BRAF: variants seen among roughly 807,000 people sequenced by gnomAD.
The protein encoded by BRAF is B-Raf proto-oncogene, serine/threonine kinase, also known as serine/threonine-protein kinase B-raf.
BRAF carries 16 observed loss-of-function variants against 104.6 expected under a neutral mutation model. The observed-to-expected ratio is 0.15, with a 90% CI of 0.10 to 0.23. The LOEUF is 0.23. Ranked by LOEUF, BRAF falls within the 10% of genes least tolerant of loss-of-function variation. BRAF has a pLI of 1.00. For synonymous variants in BRAF, 310 were observed against 341.6 expected, an observed-to-expected ratio of 0.91 and a Z score of 1.02; for missense variants, 541 against 937.3, an observed-to-expected ratio of 0.58 and a Z score of 5.52.
At position 140,723,396 on chromosome 7, in the gene BRAF, G is replaced by A. The variant is rs1406398982; in HGVS notation, c.*3098C>T. 17 of 1,053,792 alleles carry A rather than the reference G, an allele frequency of 1.6e-5. No homozygotes were observed. The highest frequency in any genetic ancestry group is 1.8e-5 in the Non-Finnish European group (16 of 872,468). The allele number at this position is 1,053,792 out of a possible 1,614,324, so 65.3% of individuals were successfully genotyped here. On this transcript the variant is annotated 3_prime_UTR_variant, in exon 20 of 20. Transcript: ENST00000644969. ...AATATAGCATATATCATTTGTATGG[G>A]ATTTTATCTTCTAAAATGCCCCAGT...
intron 12 of BRAF, among the ~76,000 whole-genome samples, chr7:140,778,704 T>C (rs1420456739): frequency 7.1e-6 from 1 of 141,636 alleles, no homozygotes; most frequent in Admixed American, 7.0e-5. Flanking sequence ...ATAATAATAA[T>C]AAAAAAAGAA....
chr7:140,772,268 T>TAAC (rs777105504), intron 14 of BRAF, among the ~76,000 whole-genome samples: 1,358 of 103,560 alleles, frequency 0.013, 15 homozygotes, highest in South Asian at 0.023. Flanking sequence ...ACAGATTGTT[T>TAAC]AACTACAACA....
intron 1 of BRAF, among the ~76,000 whole-genome samples, chr7:140,898,638 A>T (rs186974151): frequency 6.4e-4 from 97 of 152,298 alleles, no homozygotes; most frequent in African/African-American, 2.1e-3. Flanking sequence ...CCCACAACCC[A>T]AGGTAAGAAA....
At chr7:140,830,198 T>C (rs1200367433) in intron 3 of BRAF, among the ~76,000 whole-genome samples, 3 of 152,176 alleles carry the variant, frequency 2.0e-5, no homozygotes, top group Non-Finnish European at 4.4e-5. Context: ...ATCTTCTAGT[T>C]GCTTTCTTTT....
At chr7:140,881,463 C>T (rs1812910968) in intron 1 of BRAF, among the ~76,000 whole-genome samples, 1 of 152,196 alleles carries the variant, frequency 6.6e-6, no homozygotes, top group Non-Finnish European at 1.5e-5. Context: ...CTATGATGGC[C>T]AGGCTGGTCT....
At chr7:140,864,020 C>T (rs1468400956) in intron 1 of BRAF, among the ~76,000 whole-genome samples, 1 of 152,168 alleles carries the variant, frequency 6.6e-6, no homozygotes, top group African/African-American at 2.4e-5. Context: ...GGCCACTCAG[C>T]TAGTAAATTC....
chr7:140,761,148 G>A (rs1798685437), intron 14 of BRAF, among the ~76,000 whole-genome samples: 2 of 152,120 alleles, frequency 1.3e-5, no homozygotes, highest in Admixed American at 1.3e-4. Flanking sequence ...GAAAGGTCGG[G>A]TTACCCACAA....
chr7:140,883,406 A>T (rs1034896741), intron 1 of BRAF, among the ~76,000 whole-genome samples: 2 of 152,222 alleles, frequency 1.3e-5, no homozygotes, highest in African/African-American at 4.8e-5. Context: ...TGTCGTATAT[A>T]ACTTTTTCAA....
chr7:140,742,592 G>A (rs1797019342), intron 17 of BRAF, among the ~76,000 whole-genome samples: 1 of 152,212 alleles, frequency 6.6e-6, no homozygotes, highest in South Asian at 2.1e-4. Flanking sequence ...AAGTGGAAGT[G>A]TAACACTTAT....
intron 1 of BRAF, among the ~76,000 whole-genome samples, chr7:140,857,417 C>T (rs1809916978): frequency 6.6e-6 from 1 of 152,100 alleles, no homozygotes; most frequent in Admixed American, 6.6e-5. Flanking sequence ...TTTCCGACCT[C>T]CAGAAATGTA....
intron 14 of BRAF, among the ~76,000 whole-genome samples, chr7:140,772,639 A>G (rs1799967415): frequency 6.6e-6 from 1 of 152,136 alleles, no homozygotes; most frequent in African/African-American, 2.4e-5. Flanking sequence ...AAATTTAAAA[A>G]AAGTAGTGAA....
intron 5 of BRAF, among the ~76,000 whole-genome samples, chr7:140,803,858 A>C (rs1218776141): frequency 6.6e-6 from 1 of 152,168 alleles, no homozygotes. Context: ...TGGCGAGAGC[A>C]TGGGTGACTT....
Position 140,719,425 on chromosome 7 carries a change from T to A in BRAF, c.*7069A>T, listed in dbSNP as rs1455768263. The A allele has an allele frequency of 1.1e-5, 11 of 1,006,928 alleles. No individual in the cohort carries two copies. The East Asian group carries it at 2.4e-4, about 22-fold the overall frequency. 62.4% of individuals were successfully genotyped at this position (1,006,928 alleles called of 1,614,324 possible). On this transcript the variant is annotated 3_prime_UTR_variant, in exon 20 of 20. Coordinates refer to ENST00000644969, the MANE Select transcript of BRAF (RefSeq NM_001374258.1). ...TTTGCCTTTTATATAATACAGTTTT[T>A]AAATAACTTTACACAGAAATAAATT...
intron 7 of BRAF, among the ~76,000 whole-genome samples, chr7:140,795,474 A>C (rs1562963623): frequency 6.6e-6 from 1 of 152,236 alleles, no homozygotes; most frequent in Non-Finnish European, 1.5e-5. Flanking sequence ...ACTAATTATT[A>C]GTGGTTACTA....
chr7:140,766,954 A>G (rs2129011630), intron 14 of BRAF, among the ~76,000 whole-genome samples: 1 of 152,208 alleles, frequency 6.6e-6, no homozygotes, highest in East Asian at 1.9e-4. Flanking sequence ...TAGCTTCCCA[A>G]AGGGCTGGGA....
chr7:140,875,469 G>C (rs997411659), intron 1 of BRAF, among the ~76,000 whole-genome samples: 1 of 152,148 alleles, frequency 6.6e-6, no homozygotes, highest in African/African-American at 2.4e-5. Context: ...TCCGCCTCCC[G>C]GGCTCAAGCG....
At position 140,723,812 on chromosome 7, in the gene BRAF, A is replaced by G. The variant is rs1411800476; in HGVS notation, c.*2682T>C. On this transcript the variant is annotated 3_prime_UTR_variant, in exon 20 of 20. Coordinates refer to ENST00000644969, the MANE Select transcript of BRAF (RefSeq NM_001374258.1). ...TGACGCAGCCACATACTGTCTATAC[A>G]ATTACTCATAAAGTGCTTTTCACAA... The G allele has an allele frequency of 9.6e-7, 1 of 1,046,906 alleles. No homozygotes were observed. The highest frequency in any genetic ancestry group is 1.7e-5 in the African/African-American group (1 of 60,060). The allele number at this position is 1,046,906 out of a possible 1,614,324, so 64.9% of individuals were successfully genotyped here.
rs551751931 is a variant in BRAF at position 140,868,992 on chromosome 7, G to C, written c.139-18780C>G. Among the ~76,000 whole-genome samples, 36 of 152,292 alleles carry C rather than the reference G, an allele frequency of 2.4e-4. No homozygotes were observed. The South Asian group carries it at 7.5e-3, about 32-fold the overall frequency. Reference sequence around the variant, plus strand: ...ATTGGATGTGAGGTATGATAAAAGGGAGTCATCCTCGACTCTACAGTTTAT... The same window carrying C: ...ATTGGATGTGAGGTATGATAAAAGGCAGTCATCCTCGACTCTACAGTTTAT... On this transcript the variant is annotated intron_variant, in intron 1 of 19. Transcript: ENST00000644969.
downstream of BRAF, among the ~76,000 whole-genome samples, chr7:140,718,742 A>G (rs934621888): frequency 1.3e-5 from 2 of 152,156 alleles, no homozygotes; most frequent in South Asian, 2.1e-4. Flanking sequence ...GTAATTTGAT[A>G]TATTTTGTCT....
Sources: gnomAD v4.1 joint callset for allele counts (sites outside exome capture counted in the v4.1 genomes callset) on GRCh38, gnomAD v4.1.1 for gene constraint, MANE v1.5 for transcripts, NCBI Gene and HGNC (gene_info 2026-07-23, HGNC 2026-07-21) for gene names.